PPP2R2C: variants seen among roughly 807,000 people sequenced by gnomAD.
PPP2R2C encodes the protein protein phosphatase 2, regulatory subunit B, gamma.
A neutral mutation model predicts 45.3 loss-of-function variants in PPP2R2C; 10 were observed. The observed-to-expected ratio is 0.22, with a 90% CI of 0.14 to 0.37. PPP2R2C has a LOEUF of 0.37. Among genes scored for constraint, PPP2R2C ranks in the 10% least tolerant of loss-of-function variants. PPP2R2C has a pLI of 1.00. For synonymous variants in PPP2R2C, 257 were observed against 245.4 expected, an observed-to-expected ratio of 1.05 and a Z score of -0.44; for missense variants, 308 against 619.7, an observed-to-expected ratio of 0.50 and a Z score of 5.34.
intron 1 of PPP2R2C, among the ~76,000 whole-genome samples, chr4:6,426,365 C>G (rs768401895): frequency 6.6e-6 from 1 of 152,208 alleles, no homozygotes; most frequent in Non-Finnish European, 1.5e-5. Context: ...GTTTGTTCCA[C>G]GAGCACTTCC....
intron 1 of PPP2R2C, among the ~76,000 whole-genome samples, chr4:6,425,865 GGTGTGT>G (rs923248058): frequency 6.6e-6 from 1 of 151,442 alleles, no homozygotes; most frequent in Non-Finnish European, 1.5e-5. Context: ...GTATGTGTGG[GGTGTGT>G]GTGTGTGGTG....
rs181152309 is a variant in PPP2R2C, at chr4:6,421,095, C to T, written c.71-40001G>A. 1.8e-3 allele frequency: 1,801 copies of T among 985,252 alleles called. 24 individuals are homozygous for T. Among genetic ancestry groups the T allele is most frequent in the Admixed American group, 4.4e-3 (71 of 16,272 alleles). 61.0% of individuals were successfully genotyped at this position (985,252 alleles called of 1,614,324 possible). ...ACAGAAGTGGAGAGGCCACACCTTT[C>T]TCTCTGTTTCCCCCAAAACACATGC... On this transcript the variant is annotated intron_variant, in intron 1 of 8. Coordinates refer to ENST00000382599, the MANE Select transcript of PPP2R2C (RefSeq NM_020416.4).
rs77065979 is a variant in PPP2R2C at position 6,420,209 on chromosome 4, C to T, written c.71-39115G>A. Among the ~76,000 whole-genome samples the T allele has an allele frequency of 7.4e-3, 1,122 of 152,338 alleles. 15 individuals carry two copies. The highest frequency in any genetic ancestry group is 0.062 in the East Asian group (321 of 5,178). The stretch of plus-strand genomic sequence containing the variant: ...ACAGGTGAGCAAGACTTCCCAAGGA[C>T]AGGCTGTGCAACGACAGGAGGCTGG... On this transcript the variant is annotated intron_variant, in intron 1 of 8. Transcript: ENST00000382599.
At chr4:6,402,109 A>T (rs1200587765) in intron 1 of PPP2R2C, among the ~76,000 whole-genome samples, 1 of 152,198 alleles carries the variant, frequency 6.6e-6, no homozygotes, top group Non-Finnish European at 1.5e-5. Context: ...ACTGTTTGGG[A>T]AGAGCATGCG....
chr4:6,463,074 A>G (rs872881), intron 1 of PPP2R2C, among the ~76,000 whole-genome samples: 11,577 of 152,258 alleles, frequency 0.076, 798 homozygotes, highest in East Asian at 0.38. Context: ...GAAAGTTTGC[A>G]TCAAAACTTT....
Position 6,415,349 on chromosome 4 carries a change from G to A in PPP2R2C, c.71-34255C>T, listed in dbSNP as rs77034167. On this transcript the variant is annotated intron_variant, in intron 1 of 8. Coordinates refer to ENST00000382599, the MANE Select transcript of PPP2R2C (RefSeq NM_020416.4). ...AGACATTTAGCCTCTTATTTCAAAG[G>A]CAAATTTATGCTTGCTTCACTGTTT... 5.5e-3 allele frequency among the ~76,000 whole-genome samples: 836 copies of A among 152,342 alleles called. 19 individuals are homozygous for A. In the East Asian group the frequency reaches 0.071, roughly 13 times the overall value.
intron 2 of PPP2R2C, among the ~76,000 whole-genome samples, chr4:6,483,161 A>ATT (rs1722421875): frequency 7.1e-6 from 1 of 140,206 alleles, no homozygotes; most frequent in Non-Finnish European, 1.6e-5. Context: ...ATTGATAGAT[A>ATT]GACGATAGAT....
intron 1 of PPP2R2C, among the ~76,000 whole-genome samples, chr4:6,428,368 C>T (rs962613517): frequency 2.6e-5 from 4 of 152,190 alleles, no homozygotes; most frequent in Non-Finnish European, 5.9e-5. Context: ...GCAGGGCAAG[C>T]CTTAAGTTTC....
chr4:6,335,125 T>G (rs1467088661), intron 6 of PPP2R2C, among the ~76,000 whole-genome samples: 2 of 152,184 alleles, frequency 1.3e-5, no homozygotes, highest in Non-Finnish European at 2.9e-5. Context: ...CAGCACCTAC[T>G]CTGTGCCAGG....
chr4:6,336,658 T>C (rs1283971712), intron 6 of PPP2R2C, among the ~76,000 whole-genome samples: 64 of 18,964 alleles, frequency 3.4e-3, no homozygotes, highest in African/African-American at 4.3e-3. Flanking sequence ...CCTCCCTCCC[T>C]CCCTCCCTGC....
rs1192595171 is a variant in PPP2R2C, at chr4:6,471,613, A to AG, written c.70+546dup. 1 of 152,890 alleles carries AG rather than the reference A, an allele frequency of 6.5e-6. No individual in the cohort carries two copies. The highest frequency in any genetic ancestry group is 2.4e-5 in the African/African-American group (1 of 41,434). The allele number at this position is 152,890 out of a possible 1,614,324, so 9.5% of individuals were successfully genotyped here. On this transcript the variant is annotated intron_variant, in intron 1 of 8. Transcript: ENST00000382599. The surrounding 1 kb of genome is among the most constrained non-coding windows in gnomAD (Gnocchi z 5.6). ...ACCAGCCGCCTTCTCCCTCCCACTC[A>AG]GGGACCCTGCCTCTGGAGGACAGGG...
chr4:6,437,851 G>T (rs1325183222), intron 1 of PPP2R2C, among the ~76,000 whole-genome samples: 9 of 149,848 alleles, frequency 6.0e-5, no homozygotes, highest in Non-Finnish European at 1.0e-4. Context: ...TAGATGCATG[G>T]CCTCTGTTTT....
chr4:6,492,305 C>T (rs894066812), intron 2 of PPP2R2C, among the ~76,000 whole-genome samples: 2 of 152,206 alleles, frequency 1.3e-5, no homozygotes, highest in Non-Finnish European at 2.9e-5. Flanking sequence ...GGATGGACTC[C>T]AACAGGGTCA....
At chr4:6,349,552 T>C in intron 5 of PPP2R2C, 1 of 985,376 alleles carries the variant, frequency 1.0e-6, no homozygotes, top group Non-Finnish European at 1.2e-6. Flanking sequence ...CCACCCAAGC[T>C]GCTGCCTCTC....
At chr4:6,511,062 C>A (rs1422046867) in intron 2 of PPP2R2C, among the ~76,000 whole-genome samples, 1 of 151,228 alleles carries the variant, frequency 6.6e-6, no homozygotes, top group East Asian at 1.9e-4. Context: ...TGATTTCTGT[C>A]TCCAACACTC....
At chr4:6,459,088 CT>C (rs1296781212) in intron 1 of PPP2R2C, among the ~76,000 whole-genome samples, 1 of 152,136 alleles carries the variant, frequency 6.6e-6, no homozygotes, top group Non-Finnish European at 1.5e-5. Context: ...AACTTAATGG[CT>C]TCAAGCAGAA....
At chr4:6,561,949 C>A (rs551568853) in intron 1 of PPP2R2C, among the ~76,000 whole-genome samples, 1 of 152,198 alleles carries the variant, frequency 6.6e-6, no homozygotes, top group African/African-American at 2.4e-5. Flanking sequence ...TGAGAAGCTG[C>A]GATTTGCCAA....
chr4:6,552,467 A>G (rs75041511), intron 1 of PPP2R2C, among the ~76,000 whole-genome samples: 140 of 152,084 alleles, frequency 9.2e-4, no homozygotes, highest in African/African-American at 3.2e-3. Flanking sequence ...TCAGCTCAGC[A>G]TCTTCAAATC....
chr4:6,383,040 C>T, intron 1 of PPP2R2C: 5 of 1,082,528 alleles, frequency 4.6e-6, no homozygotes, highest in Non-Finnish European at 5.6e-6. Flanking sequence ...TCTCTGCCCC[C>T]CACCTTGATT....
Sources: allele counts gnomAD v4.1 joint callset (sites outside exome capture counted in the v4.1 genomes callset), GRCh38; gene constraint gnomAD v4.1.1; non-coding constraint Gnocchi (gnomAD v3.1); transcripts MANE v1.5; gene names NCBI Gene and HGNC (gene_info 2026-07-23, HGNC 2026-07-21).